The following BMPER variants were observed in gnomAD, a reference collection of about 807,000 sequenced individuals.
The protein encoded by BMPER is BMP binding endothelial regulator, also known as BMP-binding endothelial regulator protein.
In BMPER, 45 loss-of-function variants were observed where a neutral mutation model predicts 87.3. The observed-to-expected ratio is 0.52, with a 90% CI of 0.41 to 0.66. BMPER has a LOEUF of 0.66. Ranked by LOEUF, BMPER falls within the 30% of genes least tolerant of loss-of-function variation. The pLI, the probability that BMPER is intolerant of heterozygous loss-of-function variation, is 0.00. For synonymous variants in BMPER, 326 were observed against 316.2 expected, an observed-to-expected ratio of 1.03 and a Z score of -0.33; for missense variants, 784 against 867.5, an observed-to-expected ratio of 0.90 and a Z score of 1.21.
chr7:34,098,503 A>C (rs1004430980), intron 13 of BMPER, among the ~76,000 whole-genome samples: 2 of 152,088 alleles, frequency 1.3e-5, no homozygotes, highest in African/African-American at 4.8e-5. Context: ...CGATACTGGA[A>C]TTAATAATTC....
At chr7:33,963,522 G>A (rs1291123444) in intron 3 of BMPER, among the ~76,000 whole-genome samples, 11 of 152,136 alleles carry the variant, frequency 7.2e-5, no homozygotes, top group South Asian at 4.1e-4. Flanking sequence ...GGCTGGGCGC[G>A]GTGGCTCATG....
intron 13 of BMPER, among the ~76,000 whole-genome samples, chr7:34,132,822 G>A (rs535029397): frequency 3.3e-5 from 5 of 152,256 alleles, no homozygotes; most frequent in African/African-American, 1.2e-4. Context: ...ACCCCAAGAC[G>A]TGGCTGAATA....
At chr7:33,925,666 G>A (rs993144509) in intron 2 of BMPER, among the ~76,000 whole-genome samples, 1 of 152,062 alleles carries the variant, frequency 6.6e-6, no homozygotes, top group African/African-American at 2.4e-5. Flanking sequence ...CAAGAAAATC[G>A]TGGCACAAGA....
chr7:34,108,210 C>T (rs1789873699), intron 13 of BMPER, among the ~76,000 whole-genome samples: 1 of 152,178 alleles, frequency 6.6e-6, no homozygotes, highest in Admixed American at 6.5e-5. Flanking sequence ...GATTGTTTGT[C>T]TTTCGATATA....
chr7:34,145,488 G>T (rs1202206843), intron 14 of BMPER, among the ~76,000 whole-genome samples: 2 of 152,198 alleles, frequency 1.3e-5, no homozygotes, highest in Non-Finnish European at 2.9e-5. Flanking sequence ...GCTAAAAGGT[G>T]AGGCAAATGG....
At chr7:34,087,942 TATG>T (rs1215157365) in intron 13 of BMPER, among the ~76,000 whole-genome samples, 1 of 152,224 alleles carries the variant, frequency 6.6e-6, no homozygotes, top group African/African-American at 2.4e-5. Flanking sequence ...GCAACAGAAA[TATG>T]ATGAGCGCTT....
intron 6 of BMPER, among the ~76,000 whole-genome samples, chr7:33,976,919 G>A (rs1241860199): frequency 1.3e-5 from 2 of 152,208 alleles, no homozygotes; most frequent in East Asian, 3.8e-4. Flanking sequence ...TCTGCCTAGT[G>A]AGTTCTTGCC....
chr7:33,947,584 A>G (rs925482005), intron 3 of BMPER, among the ~76,000 whole-genome samples: 3 of 152,202 alleles, frequency 2.0e-5, no homozygotes, highest in Admixed American at 2.0e-4. Context: ...AGAAAAAGGC[A>G]AAATATAAAT....
chr7:34,155,233 T>TC lies in BMPER; in HGVS notation c.*1961dup, dbSNP rs1161551892. Reference sequence around the variant, plus strand: ...TGACGTTGCCTGGTGGTTCCTACCTTCTGTAAAACGAACAGATTCCTTAAG... The same window carrying TC: ...TGACGTTGCCTGGTGGTTCCTACCTTCCTGTAAAACGAACAGATTCCTTAAG... On this transcript the variant is annotated 3_prime_UTR_variant, in exon 15 of 15. Transcript: ENST00000649409. 6.6e-6 allele frequency: 1 copy of TC among 152,208 alleles called. No homozygotes were observed. Among genetic ancestry groups the TC allele is most frequent in the Non-Finnish European group, 1.5e-5 (1 of 68,046 alleles). The allele number at this position is 152,208 out of a possible 1,614,324, so 9.4% of individuals were successfully genotyped here.
intron 6 of BMPER, among the ~76,000 whole-genome samples, chr7:34,022,144 G>A (rs1256056988): frequency 3.9e-5 from 6 of 152,006 alleles, no homozygotes; most frequent in African/African-American, 1.4e-4. Flanking sequence ...ATCACATGAT[G>A]GGCCTTTTAG....
intron 2 of BMPER, chr7:33,921,835 A>C (rs572993048): frequency 2.1e-6 from 1 of 470,900 alleles, no homozygotes; most frequent in South Asian, 1.5e-5. Flanking sequence ...TGACTGACCT[A>C]GTGCGCCAGC....
chr7:34,051,351 G>A (rs113839974), intron 7 of BMPER, among the ~76,000 whole-genome samples: 6 of 152,194 alleles, frequency 3.9e-5, no homozygotes, highest in African/African-American at 1.4e-4. Context: ...GAGATATGCT[G>A]ATTCCTCCTA....
intron 13 of BMPER, among the ~76,000 whole-genome samples, chr7:34,094,796 T>C (rs1789487242): frequency 6.6e-6 from 1 of 152,206 alleles, no homozygotes; most frequent in Non-Finnish European, 1.5e-5. Flanking sequence ...AAGGCACGTA[T>C]CCAGGCCTGG....
intron 2 of BMPER, among the ~76,000 whole-genome samples, chr7:33,929,286 T>C (rs151019864): frequency 6.6e-6 from 1 of 152,294 alleles, no homozygotes; most frequent in East Asian, 1.9e-4. Context: ...TACAAAATTA[T>C]GGCCGTGGGA....
intron 6 of BMPER, among the ~76,000 whole-genome samples, chr7:34,015,939 A>G (rs900732172): frequency 2.0e-5 from 3 of 151,796 alleles, no homozygotes; most frequent in Non-Finnish European, 4.4e-5. Flanking sequence ...TTGGTGCTTC[A>G]TTCAAATAGG....
intron 13 of BMPER, among the ~76,000 whole-genome samples, chr7:34,101,102 C>G (rs1350639360): frequency 6.6e-6 from 1 of 152,178 alleles, no homozygotes; most frequent in Non-Finnish European, 1.5e-5. Context: ...TTGGTTTTCT[C>G]CATTTCTAGT....
chr7:33,911,889 C>T (rs1439160007), intron 2 of BMPER, among the ~76,000 whole-genome samples: 3 of 152,070 alleles, frequency 2.0e-5, no homozygotes, highest in Non-Finnish European at 4.4e-5. Flanking sequence ...GAATAGGATG[C>T]AAAATTTCAA....
At chr7:33,994,953 C>G (rs1018613211) in intron 6 of BMPER, among the ~76,000 whole-genome samples, 1 of 152,144 alleles carries the variant, frequency 6.6e-6, no homozygotes, top group Non-Finnish European at 1.5e-5. Flanking sequence ...AATTATTTGA[C>G]TGACTCTAAA....
chr7:33,966,641 CA>C, intron 4 of BMPER, 80 bp downstream of exon 4: 1 of 1,375,982 alleles, frequency 7.3e-7, no homozygotes, highest in Non-Finnish European at 1.0e-6. Flanking sequence ...CAACATAGAA[CA>C]AAACCCTAAA....
Sources: allele counts gnomAD v4.1 joint callset (sites outside exome capture counted in the v4.1 genomes callset), GRCh38; gene constraint gnomAD v4.1.1; transcripts MANE v1.5; gene names NCBI Gene and HGNC (gene_info 2026-07-23, HGNC 2026-07-21).